The following PSG7 variants were observed in gnomAD, a reference collection of about 807,000 sequenced individuals.
PSG7 encodes the protein pregnancy-specific beta-1-glycoprotein 7.
In PSG7, 57 loss-of-function variants were observed where a neutral mutation model predicts 45.6. That is an observed-to-expected ratio of 1.25 (90% CI 1.01 to 1.56). The LOEUF (loss-of-function observed/expected upper bound fraction) is 1.56, where lower values mean the gene tolerates loss of function less well. PSG7 is among the 40% of genes most tolerant of loss of function. The pLI, the probability that PSG7 is intolerant of heterozygous loss-of-function variation, is 0.00. For synonymous variants in PSG7, 298 were observed against 194.4 expected (o/e 1.53, Z -4.43); for missense variants, 796 against 508.4 (o/e 1.57, Z -5.44).
intron 2 of PSG7, among the ~76,000 whole-genome samples, chr19:42,934,086 G>T (rs1309646061): frequency 1.3e-5 from 2 of 151,408 alleles, no homozygotes; most frequent in Non-Finnish European, 2.9e-5. Context: ...GCTGGTGCAG[G>T]GTGTGAGTGG....
chr19:42,932,512 C>CA (rs1973042542), intron 2 of PSG7, among the ~76,000 whole-genome samples: 1 of 151,318 alleles, frequency 6.6e-6, no homozygotes, highest in Non-Finnish European at 1.5e-5. Flanking sequence ...GAAATGAGCC[C>CA]ATGGGCTTTG....
At position 42,933,947 on chromosome 19, in the gene PSG7, G is replaced by T. The variant is rs144567498; in HGVS notation, c.430+1457C>A. Among the ~76,000 whole-genome samples, 99 of 151,550 alleles carry T rather than the reference G, an allele frequency of 6.5e-4. 3 individuals are homozygous for T. The highest frequency in any genetic ancestry group is 7.2e-4 in the Non-Finnish European group (49 of 67,834). ...CTCCGAAGGACAAGGGACAGGTGTG[G>T]CTAGAAACTCCTGGGATTCTGCATC... On this transcript the variant is annotated intron_variant, in intron 2 of 5. Transcript: ENST00000406070.
intron 2 of PSG7, among the ~76,000 whole-genome samples, chr19:42,930,177 T>C (rs745505290): frequency 6.6e-6 from 1 of 151,638 alleles, no homozygotes; most frequent in African/African-American, 2.4e-5. Flanking sequence ...GAACTTCCCA[T>C]TGTCCTTAAA....
chr19:42,928,635 C>T (rs376644422), intron 3 of PSG7, among the ~76,000 whole-genome samples: 1 of 151,336 alleles, frequency 6.6e-6, no homozygotes, highest in Admixed American at 6.6e-5. Context: ...GTGAAGGGTA[C>T]AGGCAAAACC....
intron 3 of PSG7, chr19:42,926,966 C>G (rs376054771): frequency 1.4e-6 from 1 of 710,038 alleles, no homozygotes; most frequent in African/African-American, 1.8e-5. Flanking sequence ...GGGTCATGGA[C>G]AGACATGTCA....
In PSG7 at chr19:42,935,820, G is replaced by A. The variant is rs1358480262; in HGVS notation, c.65-51C>T. 5.2e-6 allele frequency: 8 copies of A among 1,545,072 alleles called. No homozygotes were observed. In the African/African-American group the frequency reaches 8.4e-5, roughly 16 times the overall value. On this transcript the variant is annotated intron_variant, in intron 1 of 5. Coordinates refer to ENST00000406070, the MANE Select transcript of PSG7 (RefSeq NM_002783.3). Reference sequence around the variant, plus strand: ...AATATTGAGACCTATGTGTTGGGTTGAAAAGATGGGCCCCTGGGTCCTGAG... The same window carrying A: ...AATATTGAGACCTATGTGTTGGGTTAAAAAGATGGGCCCCTGGGTCCTGAG...
chr19:42,925,644 G>A (rs57760445), intron 5 of PSG7, 129 bp downstream of exon 5: 221,855 of 1,557,442 alleles, frequency 0.14, 20,652 homozygotes, highest in Admixed American at 0.2. Flanking sequence ...GGGTTCAGGA[G>A]GAAAATTTGG....
At chr19:42,936,074 C>G (rs1973147544) in intron 1 of PSG7, 4 of 393,630 alleles carry the variant, frequency 1.0e-5, no homozygotes, top group Non-Finnish European at 1.8e-5. Flanking sequence ...GCACGGCCCC[C>G]TCCACACTGC....
intron 3 of PSG7, 190 bp from the exon 4 acceptor site, chr19:42,926,906 A>T (rs900059806): frequency 7.1e-5 from 79 of 1,119,814 alleles, no homozygotes; most frequent in Middle Eastern, 3.0e-4. Flanking sequence ...CCACCTGCTC[A>T]GTCTTAGGGA....
intron 5 of PSG7, chr19:42,925,493 TAAA>T: frequency 2.2e-6 from 2 of 890,446 alleles, no homozygotes; most frequent in Middle Eastern, 3.7e-4. Flanking sequence ...TATTTTCAAA[TAAA>T]AATCATAAAA....
intron 4 of PSG7, 67 bp downstream of exon 4, chr19:42,926,370 TC>T: frequency 6.3e-7 from 1 of 1,595,090 alleles, no homozygotes; most frequent in South Asian, 1.1e-5. Context: ...AGGACTGGCC[TC>T]TGGTCGTTTG....
At chr19:42,926,289 G>A in intron 4 of PSG7, 149 bp downstream of exon 4, 1 of 1,490,964 alleles carries the variant, frequency 6.7e-7, no homozygotes, top group Non-Finnish European at 9.0e-7. Context: ...GTTTTCCCAG[G>A]GCAGGGAGTC....
intron 1 of PSG7, among the ~76,000 whole-genome samples, 169 bp downstream of exon 1, chr19:42,936,844 A>T (rs1394208635): frequency 5.3e-5 from 8 of 151,310 alleles, no homozygotes; most frequent in Non-Finnish European, 1.0e-4. Context: ...AGACAGGGCT[A>T]CATTGTGTTG....
rs1417815156 is a variant in PSG7 at position 42,935,910 on chromosome 19, AC to A, written c.65-142del. 440 of 1,227,290 alleles carry A rather than the reference AC, an allele frequency of 3.6e-4. 1 individual carries two copies. In the African/African-American group the frequency reaches 5.1e-3, roughly 14 times the overall value. 76.0% of individuals were successfully genotyped at this position (1,227,290 alleles called of 1,614,324 possible). A position where few individuals can be genotyped will look rare whatever the true frequency, so the allele number is the denominator to read the frequency against. ...CACACACACACACACACACACACAC[AC>A]ACAAACACACACACACACATATAAA... is the stretch of plus-strand genomic sequence containing the variant. On this transcript the variant is annotated intron_variant, in intron 1 of 5. Coordinates refer to ENST00000406070, the MANE Select transcript of PSG7 (RefSeq NM_002783.3).
chr19:42,935,886 AC>A, intron 1 of PSG7, 117 bp from the exon 2 acceptor site: 2 of 1,187,702 alleles, frequency 1.7e-6, no homozygotes, highest in South Asian at 3.1e-5. Flanking sequence ...ACACACACAC[AC>A]ACACACACAC....
rs1973120871 is a variant in PSG7, at chr19:42,935,267, C to A, written c.430+137G>T. 26 of 1,467,402 alleles carry A rather than the reference C, an allele frequency of 1.8e-5. 1 individual carries two copies. The highest frequency in any genetic ancestry group is 1.4e-5 in the African/African-American group (1 of 70,862). The allele number at this position is 1,467,402 out of a possible 1,614,324, so 90.9% of individuals were successfully genotyped here. ...ATTTGTCTCCTCTGTGTGTTTCCTG[C>A]AATAAATGCCCAAACCCCAGCATGG... On this transcript the variant is annotated intron_variant, in intron 2 of 5. Coordinates refer to ENST00000406070, the MANE Select transcript of PSG7 (RefSeq NM_002783.3).
At chr19:42,931,181 G>A (rs1199656866) in intron 2 of PSG7, among the ~76,000 whole-genome samples, 1 of 151,502 alleles carries the variant, frequency 6.6e-6, no homozygotes, top group Non-Finnish European at 1.5e-5. Context: ...GAAAAATTTG[G>A]AGGAAACATT....
intron 2 of PSG7, among the ~76,000 whole-genome samples, chr19:42,931,551 C>G (rs1230797477): frequency 6.6e-6 from 1 of 151,546 alleles, no homozygotes; most frequent in East Asian, 1.9e-4. Flanking sequence ...ATGTGAAATG[C>G]TTTCTTCATT....
intron 3 of PSG7, chr19:42,929,098 TG>T: frequency 2.6e-6 from 1 of 383,514 alleles, no homozygotes; most frequent in Non-Finnish European, 4.7e-6. Context: ...GGTAAAATCC[TG>T]GTCTGTGGAA....
Sources: allele counts gnomAD v4.1 joint callset (sites outside exome capture counted in the v4.1 genomes callset), GRCh38; gene constraint gnomAD v4.1.1; transcripts MANE v1.5; gene names NCBI Gene and HGNC (gene_info 2026-07-23, HGNC 2026-07-21).